The following HS6ST3 variants were observed in gnomAD, a reference collection of about 807,000 sequenced individuals.
The protein encoded by HS6ST3 is heparan-sulfate 6-O-sulfotransferase 3.
A neutral mutation model predicts 36.7 loss-of-function variants in HS6ST3; 12 were observed. That is an observed-to-expected ratio of 0.33 (90% CI 0.21 to 0.53). HS6ST3 has a LOEUF of 0.53. HS6ST3 is among the 20% of genes least tolerant of loss of function. HS6ST3 has a pLI of 0.95. For synonymous variants in HS6ST3, 240 were observed against 257.5 expected (o/e 0.93, Z 0.65); for missense variants, 584 against 640.9 (o/e 0.91, Z 0.96).
chr13:96,211,528 A>G (rs989921493), intron 1 of HS6ST3, among the ~76,000 whole-genome samples: 1 of 152,186 alleles, frequency 6.6e-6, no homozygotes. Flanking sequence ...AGTTGCTCCA[A>G]TTTTCAGAGC....
intron 1 of HS6ST3, among the ~76,000 whole-genome samples, chr13:96,664,486 C>G (rs2056656942): frequency 6.6e-6 from 1 of 152,160 alleles, no homozygotes; most frequent in African/African-American, 2.4e-5. Context: ...ACTTCATAGT[C>G]TCTAACTTTA....
chr13:96,638,997 G>A (rs1280809749), intron 1 of HS6ST3, among the ~76,000 whole-genome samples: 2 of 152,032 alleles, frequency 1.3e-5, no homozygotes, highest in African/African-American at 4.8e-5. Context: ...TCTATATGGA[G>A]AGTGTGCCAC....
intron 1 of HS6ST3, among the ~76,000 whole-genome samples, chr13:96,124,014 T>C (rs1306563024): frequency 6.6e-6 from 1 of 152,214 alleles, no homozygotes; most frequent in South Asian, 2.1e-4. Context: ...GTTAATCGTA[T>C]GCATGGGCAG....
chr13:96,288,023 C>T (rs1017938250), intron 1 of HS6ST3, among the ~76,000 whole-genome samples: 1 of 152,096 alleles, frequency 6.6e-6, no homozygotes, highest in Non-Finnish European at 1.5e-5. Flanking sequence ...AGTTCCTAGA[C>T]CAGAAGTCTC....
intron 1 of HS6ST3, among the ~76,000 whole-genome samples, chr13:96,742,090 TA>T (rs1293489618): frequency 6.6e-6 from 1 of 152,124 alleles, no homozygotes; most frequent in African/African-American, 2.4e-5. Context: ...ATGACAATTG[TA>T]AAAATGTACA....
At chr13:96,116,400 A>G (rs549294174) in intron 1 of HS6ST3, among the ~76,000 whole-genome samples, 1 of 152,288 alleles carries the variant, frequency 6.6e-6, no homozygotes, top group African/African-American at 2.4e-5. Flanking sequence ...GCAGGAGGGA[A>G]TATGCTGGTG....
In HS6ST3 at chr13:96,615,544, C is replaced by T. The variant is rs571863708; in HGVS notation, c.708-216946C>T. Among the ~76,000 whole-genome samples, 20 of 152,308 alleles carry T rather than the reference C, an allele frequency of 1.3e-4. 1 individual carries two copies. Among genetic ancestry groups the T allele is most frequent in the Admixed American group, 1.1e-3 (17 of 15,290 alleles). Reference sequence around the variant, plus strand: ...ACCCTGTATATATCACTAGATTTTTCTGAGTCTCAATAAATCATATCTGAA... The same window carrying T: ...ACCCTGTATATATCACTAGATTTTTTTGAGTCTCAATAAATCATATCTGAA... On this transcript the variant is annotated intron_variant, in intron 1 of 1. Coordinates refer to ENST00000376705, the MANE Select transcript of HS6ST3 (RefSeq NM_153456.4).
intron 1 of HS6ST3, among the ~76,000 whole-genome samples, chr13:96,134,516 G>A (rs542185797): frequency 8.6e-5 from 13 of 150,608 alleles, no homozygotes; most frequent in Non-Finnish European, 1.5e-4. Context: ...TTATTTCTAA[G>A]CTCTTGGTAA....
At chr13:96,503,867 C>T (rs969764987) in intron 1 of HS6ST3, among the ~76,000 whole-genome samples, 8 of 152,106 alleles carry the variant, frequency 5.3e-5, no homozygotes, top group Non-Finnish European at 1.2e-4. Context: ...GTTCTGGAGG[C>T]TGGGAAGTCT....
At chr13:96,149,208 C>T (rs1276818389) in intron 1 of HS6ST3, among the ~76,000 whole-genome samples, 2 of 151,966 alleles carry the variant, frequency 1.3e-5, no homozygotes, top group Admixed American at 1.3e-4. Flanking sequence ...GCTCCAGGTG[C>T]TAAAAATAAC....
chr13:96,337,566 C>T (rs1288049843), intron 1 of HS6ST3, among the ~76,000 whole-genome samples: 1 of 152,098 alleles, frequency 6.6e-6, no homozygotes, highest in Non-Finnish European at 1.5e-5. Context: ...GTTGTGACTT[C>T]ACCTGCACCT....
At chr13:96,582,858 G>A (rs910345844) in intron 1 of HS6ST3, among the ~76,000 whole-genome samples, 1 of 152,080 alleles carries the variant, frequency 6.6e-6, no homozygotes, top group Non-Finnish European at 1.5e-5. Flanking sequence ...AATGCAGGAA[G>A]CCCAGTTAAA....
intron 1 of HS6ST3, among the ~76,000 whole-genome samples, chr13:96,334,104 G>T (rs1386199228): frequency 1.3e-5 from 2 of 152,192 alleles, no homozygotes; most frequent in East Asian, 3.8e-4. Context: ...TGGGCAAAAA[G>T]GGGAGCTGAC....
At chr13:96,535,960 C>T (rs896733912) in intron 1 of HS6ST3, among the ~76,000 whole-genome samples, 1 of 152,182 alleles carries the variant, frequency 6.6e-6, no homozygotes, top group African/African-American at 2.4e-5. Flanking sequence ...AGCTCTACAG[C>T]GTGAGAGCAC....
chr13:96,303,752 A>T (rs907101574), intron 1 of HS6ST3, among the ~76,000 whole-genome samples: 8 of 152,212 alleles, frequency 5.3e-5, no homozygotes, highest in Non-Finnish European at 1.0e-4. Flanking sequence ...AGAGTTTTGC[A>T]TTGATTTTGG....
At position 96,754,016 on chromosome 13, in the gene HS6ST3, A is replaced by G. The variant is rs906831357; in HGVS notation, c.708-78474A>G. On this transcript the variant is annotated intron_variant, in intron 1 of 1. Transcript: ENST00000376705. ...GTATTTTTAGTAGAGACAGGGTTTC[A>G]CCATGTTGGCCAGGCTGATCTCGAA... 5.9e-5 allele frequency among the ~76,000 whole-genome samples: 9 copies of G among 152,124 alleles called. 2 individuals are homozygous for G. The South Asian group carries it at 1.9e-3, about 32-fold the overall frequency.
rs557312584 is a variant in HS6ST3, at chr13:96,826,814, A to G, written c.708-5676A>G. 1.1e-4 allele frequency among the ~76,000 whole-genome samples: 16 copies of G among 152,344 alleles called. No homozygotes were observed. In the South Asian group the frequency reaches 3.3e-3, roughly 32 times the overall value. Reference sequence around the variant, plus strand: ...GTGTATTCCATTTGGTGTAACTTCAAGTAAGCCTTGATGGCCTATATTATA... The same window carrying G: ...GTGTATTCCATTTGGTGTAACTTCAGGTAAGCCTTGATGGCCTATATTATA... On this transcript the variant is annotated intron_variant, in intron 1 of 1. Coordinates refer to ENST00000376705, the MANE Select transcript of HS6ST3 (RefSeq NM_153456.4).
At chr13:96,243,041 T>G (rs748492683) in intron 1 of HS6ST3, among the ~76,000 whole-genome samples, 4 of 152,226 alleles carry the variant, frequency 2.6e-5, no homozygotes, top group African/African-American at 9.6e-5. Flanking sequence ...AAATTGACTT[T>G]AATATATTTT....
intron 1 of HS6ST3, among the ~76,000 whole-genome samples, chr13:96,297,606 G>A (rs1204624464): frequency 3.3e-5 from 5 of 152,032 alleles, no homozygotes; most frequent in African/African-American, 9.7e-5. Context: ...CATTCTCTGT[G>A]CCCTTGTTTT....
Sources: allele counts gnomAD v4.1 joint callset (sites outside exome capture counted in the v4.1 genomes callset), GRCh38; gene constraint gnomAD v4.1.1; transcripts MANE v1.5; gene names NCBI Gene and HGNC (gene_info 2026-07-23, HGNC 2026-07-21).